GPAM: variants seen among roughly 807,000 people sequenced by gnomAD.
GPAM encodes the protein glycerol-3-phosphate acyltransferase 1, mitochondrial.
In GPAM, 56 loss-of-function variants were observed where a neutral mutation model predicts 105.0. That is an observed-to-expected ratio of 0.53 (90% CI 0.43 to 0.67). GPAM has a LOEUF of 0.67. GPAM is among the 30% of genes least tolerant of loss of function. The pLI is 0.00. For synonymous variants in GPAM, 368 were observed against 354.4 expected, an observed-to-expected ratio of 1.04 and a Z score of -0.43; for missense variants, 855 against 989.8, an observed-to-expected ratio of 0.86 and a Z score of 1.83.
In GPAM at chr10:112,155,922, A is replaced by G. The variant is rs771271902; in HGVS notation, c.2253T>C (p.Tyr751=). 4.9e-5 allele frequency: 79 copies of G among 1,612,566 alleles called. 1 individual carries two copies. The South Asian group carries it at 8.1e-4, about 17-fold the overall frequency. ...TTAGGTATTTGTGCAACTTTTGCAG[A>G]TACTCAGGTTCTGGAACAGGACCAC... The part of the protein sequence containing the change: ...NFSGPVPEPE[Y]LQKLHKYLIT... Residue 751 remains tyrosine (Y), a synonymous_variant, in exon 20 of 22, where the codon TAT becomes TAC. Coordinates refer to ENST00000348367, the MANE Select transcript of GPAM (RefSeq NM_001244949.2).
intron 4 of GPAM, among the ~76,000 whole-genome samples, chr10:112,178,894 G>A (rs780704025): frequency 1.2e-4 from 19 of 152,234 alleles, no homozygotes; most frequent in Non-Finnish European, 2.2e-4. Flanking sequence ...ATGAGAAATC[G>A]TCTGTCTACT....
chr10:112,183,895 G>A (rs1847556741), upstream of GPAM: 1 of 152,540 alleles, frequency 6.6e-6, no homozygotes, highest in African/African-American at 2.4e-5. Flanking sequence ...GTACTCGAGT[G>A]TGCGTGCCTG....
intron 12 of GPAM, 44 bp from the exon 13 acceptor site, chr10:112,164,654 A>G (rs750625729): frequency 2.0e-6 from 2 of 985,440 alleles, no homozygotes; most frequent in Admixed American, 3.4e-5. Flanking sequence ...TCACTTTCGC[A>G]CCAACATATA....
chr10:112,180,882 T>A (rs558816557), intron 3 of GPAM, among the ~76,000 whole-genome samples: 1 of 152,292 alleles, frequency 6.6e-6, no homozygotes, highest in South Asian at 2.1e-4. Flanking sequence ...GATAAATCAA[T>A]TCAGACTCCT....
intron 1 of GPAM, among the ~76,000 whole-genome samples, chr10:112,197,140 T>A (rs1157211699): frequency 6.6e-6 from 1 of 152,214 alleles, no homozygotes; most frequent in Non-Finnish European, 1.5e-5. Flanking sequence ...TCATTAACTG[T>A]TGAATAAATA....
chr10:112,161,584 A>G, intron 15 of GPAM, 83 bp downstream of exon 15: 2 of 1,134,948 alleles, frequency 1.8e-6, no homozygotes, highest in East Asian at 2.4e-5. Flanking sequence ...AGTGGGCCAA[A>G]TCTGCCCCTG....
chr10:112,154,636 T>C lies in GPAM; in HGVS notation c.2363A>G (p.Asp788Gly). ...LVKNAVKMFK[D>G]IGVFKETKQK... ...TAAATGGTGGACACCTACCCCAATATCCTTAAACATTTTCACAGCATTCTT... is the reference window on the plus strand; with the variant it reads ...TAAATGGTGGACACCTACCCCAATACCCTTAAACATTTTCACAGCATTCTT... The change falls in exon 21 of 22, where the codon GAT becomes GGT. Residue 788 changes from aspartate to glycine, a missense_variant. Physicochemically the swap from Asp to Gly is moderately conservative, Grantham distance 94 (BLOSUM62 -1). Transcript: ENST00000348367. The C allele has an allele frequency of 1.2e-6, 2 of 1,601,202 alleles. No homozygotes were observed. The highest frequency in any genetic ancestry group is 1.7e-6 in the Non-Finnish European group (2 of 1,168,328).
At chr10:112,197,733 C>T (rs111415452) in intron 1 of GPAM, among the ~76,000 whole-genome samples, 4,929 of 144,852 alleles carry the variant, frequency 0.034, 96 homozygotes, top group East Asian at 0.085. Flanking sequence ...TGAGAATATG[C>T]GGTGTTTGGT....
chr10:112,211,952 TG>T (rs1301901878), intron 1 of GPAM, among the ~76,000 whole-genome samples: 1 of 152,204 alleles, frequency 6.6e-6, no homozygotes, highest in African/African-American at 2.4e-5. Flanking sequence ...TCAAACATGA[TG>T]TTCTAGAACC....
the GPAM span, among the ~76,000 whole-genome samples, chr10:112,220,640 G>C: frequency 6.6e-6 from 1 of 152,212 alleles, no homozygotes; most frequent in East Asian, 1.9e-4. Context: ...CTTGAGTAAA[G>C]AAACTGACTC....
chr10:112,153,899 A>G, intron 21 of GPAM: 2 of 454,996 alleles, frequency 4.4e-6, no homozygotes, highest in Non-Finnish European at 8.0e-6. Flanking sequence ...ATGGAGTTCA[A>G]CCAACATTAA....
intron 1 of GPAM, among the ~76,000 whole-genome samples, chr10:112,210,291 C>T (rs1247620424): frequency 7.2e-5 from 11 of 152,166 alleles, no homozygotes; most frequent in Admixed American, 7.2e-4. Flanking sequence ...AGTTTTGTTG[C>T]ATAGCATCTC....
At chr10:112,198,681 C>T (rs1263484409) in intron 1 of GPAM, among the ~76,000 whole-genome samples, 1 of 152,144 alleles carries the variant, frequency 6.6e-6, no homozygotes, top group African/African-American at 2.4e-5. Context: ...GATGCATATC[C>T]AAACGAATTG....
chr10:112,223,269 C>T, the GPAM span, among the ~76,000 whole-genome samples: 2 of 152,194 alleles, frequency 1.3e-5, no homozygotes, highest in Non-Finnish European at 2.9e-5. Flanking sequence ...ATATCTACTC[C>T]TGTTTCAGTA....
chr10:112,153,636 A>G lies in GPAM; in HGVS notation c.2401T>C (p.Ser801Pro). 1 of 1,612,036 alleles carries G rather than the reference A, an allele frequency of 6.2e-7. No homozygotes were observed. Among genetic ancestry groups the G allele is most frequent in the Non-Finnish European group, 8.5e-7 (1 of 1,178,290 alleles). The change falls in exon 22 of 22, where the codon TCT (serine) becomes CCT (proline). Residue 801 changes from serine (S) to proline (P), a missense_variant. Physicochemically the swap from Ser to Pro is moderately conservative, Grantham distance 74 (BLOSUM62 -1). Transcript: ENST00000348367. ...AAAGTGCTGCTCAGTTCTAAAACAG[A>G]CACTCTCTTTTGTTTGGTCTCCTTG... ...VFKETKQKRV[S>P]VLELSSTFLP...
rs767894490 is a variant in GPAM, at chr10:112,158,928, C to T, written c.1903-535G>A. On this transcript the variant is annotated intron_variant, in intron 17 of 21. Transcript: ENST00000348367. ...CAAAACAGATTCCCCAACAGGACCA[C>T]GAGCACACCTCACACAAAGCATGGC... Among the ~76,000 whole-genome samples, 7 of 152,252 alleles carry T rather than the reference C, an allele frequency of 4.6e-5. No individual in the cohort carries two copies. The South Asian group carries it at 8.3e-4, about 18-fold the overall frequency.
At chr10:112,212,054 G>T (rs1378057197) in intron 1 of GPAM, among the ~76,000 whole-genome samples, 2 of 152,122 alleles carry the variant, frequency 1.3e-5, no homozygotes, top group African/African-American at 4.8e-5. Flanking sequence ...CCAGGCAGGT[G>T]CCCCGTCTTG....
rs747002783 is a variant in GPAM at position 112,160,003 on chromosome 10, T to C, written c.1810A>G (p.Ser604Gly). Residue 604 changes from serine to glycine, a missense_variant, in exon 17 of 22, where the codon AGC becomes GGC. Ser to Gly is a moderately conservative substitution (Grantham distance 56, BLOSUM62 0). Transcript: ENST00000348367. ...TGGCTGATCAGGTTAGGTGGGGTGCTAGTGGGACCCCCCAGTCCCCTCTTG... is the reference window on the plus strand; with the variant it reads ...TGGCTGATCAGGTTAGGTGGGGTGCCAGTGGGACCCCCCAGTCCCCTCTTG... ...LNKRGLGGPT[S>G]TPPNLISQEQ... is the part of the protein sequence containing the mutation. 1 of 1,611,344 alleles carries C rather than the reference T, an allele frequency of 6.2e-7. No individual in the cohort carries two copies. Among genetic ancestry groups the C allele is most frequent in the Non-Finnish European group, 8.5e-7 (1 of 1,177,440 alleles).
At chr10:112,157,662 A>G (rs187112484) in intron 18 of GPAM, among the ~76,000 whole-genome samples, 1 of 152,368 alleles carries the variant, frequency 6.6e-6, no homozygotes, top group Non-Finnish European at 1.5e-5. Context: ...GTACTTTTCC[A>G]GGCCATCTCC....
Sources: gnomAD v4.1 joint callset for allele counts (sites outside exome capture counted in the v4.1 genomes callset) on GRCh38, gnomAD v4.1.1 for gene constraint, MANE v1.5 for transcripts, NCBI Gene and HGNC (gene_info 2026-07-23, HGNC 2026-07-21) for gene names.